Variants in AQP9 observed in about 807,000 individuals in gnomAD.
The protein encoded by AQP9 is aquaporin-9.
Under a neutral mutation model 23.8 loss-of-function variants are expected in AQP9, and 19 were observed. That is an observed-to-expected ratio of 0.80 (90% CI 0.56 to 1.17). AQP9 has a LOEUF of 1.17. Ranked by LOEUF, AQP9 falls within the 50% of genes most tolerant of loss-of-function variation. The pLI, the probability that AQP9 is intolerant of heterozygous loss-of-function variation, is 0.00. For missense variants in AQP9, 413 were observed against 362.0 expected, an observed-to-expected ratio of 1.14 and a Z score of -1.14; for synonymous variants, 153 against 131.5, an observed-to-expected ratio of 1.16 and a Z score of -1.12.
intron 1 of AQP9, chr15:58,164,147 A>G (rs1302797571): frequency 6.6e-6 from 1 of 152,246 alleles, no homozygotes; most frequent in African/African-American, 2.4e-5. Context: ...TTCAGCATCT[A>G]GAGTGGAAGA....
At chr15:58,175,142 C>A in intron 4 of AQP9, 106 bp downstream of exon 4, 1 of 1,104,000 alleles carries the variant, frequency 9.1e-7, no homozygotes, top group Non-Finnish European at 1.3e-6. Context: ...GATTATATTT[C>A]CAAAGGCAGA....
intron 2 of AQP9, among the ~76,000 whole-genome samples, chr15:58,170,565 C>G (rs1424843223): frequency 6.6e-6 from 1 of 151,956 alleles, no homozygotes; most frequent in African/African-American, 2.4e-5. Flanking sequence ...CCACTATGCC[C>G]AGCAAATTTT....
intron 5 of AQP9, among the ~76,000 whole-genome samples, chr15:58,179,672 GA>G (rs752503505): frequency 6.6e-6 from 1 of 152,148 alleles, no homozygotes; most frequent in Non-Finnish European, 1.5e-5. Context: ...CTTGTCTGCA[GA>G]TTCATTTTGT....
chr15:58,149,476 C>T (rs1898108918), intron 1 of AQP9, among the ~76,000 whole-genome samples: 1 of 152,168 alleles, frequency 6.6e-6, no homozygotes, highest in South Asian at 2.1e-4. Context: ...CTTCTCTAAG[C>T]TTTGGTTTCC....
intron 4 of AQP9, 87 bp downstream of exon 4, chr15:58,175,123 G>A (rs1463373806): frequency 2.5e-6 from 3 of 1,193,984 alleles, no homozygotes; most frequent in South Asian, 2.6e-5. Context: ...AGACCAATCA[G>A]AAAGGAGAGA....
chr15:58,181,671 T>C (rs1397942308), intron 5 of AQP9, among the ~76,000 whole-genome samples: 1 of 152,182 alleles, frequency 6.6e-6, no homozygotes, highest in African/African-American at 2.4e-5. Flanking sequence ...AATTTTGGCT[T>C]TTCTTCTGCT....
intron 1 of AQP9, among the ~76,000 whole-genome samples, chr15:58,140,112 T>C (rs1897926781): frequency 6.6e-6 from 1 of 151,944 alleles, no homozygotes. Context: ...AGCCTCACAG[T>C]GACGAGTGAG....
chr15:58,162,782 T>G (rs1415657145), intron 1 of AQP9, among the ~76,000 whole-genome samples: 1 of 152,104 alleles, frequency 6.6e-6, no homozygotes, highest in Non-Finnish European at 1.5e-5. Context: ...ACATCAACCG[T>G]GAGATGCATG....
chr15:58,173,006 A>T, intron 2 of AQP9, 62 bp from the exon 3 acceptor site: 1 of 1,600,354 alleles, frequency 6.2e-7, no homozygotes. Flanking sequence ...AGGTCTCTAG[A>T]TGGTTTTCTG....
chr15:58,150,661 C>T (rs1448304567), intron 1 of AQP9: 2 of 152,134 alleles, frequency 1.3e-5, no homozygotes, highest in East Asian at 1.9e-4. Flanking sequence ...CCCTAGTGAC[C>T]GACACCTTAC....
rs184912234 is a variant in AQP9 at position 58,171,366 on chromosome 15, C to T, written c.239-1702C>T. On this transcript the variant is annotated intron_variant, in intron 2 of 5. Transcript: ENST00000219919. ...CCTCCCAAAGTGCTGGGATTACAGG[C>T]ATGAGCCACTGCACCTGGCCCCGCA... Among the ~76,000 whole-genome samples, 837 of 152,268 alleles carry T rather than the reference C, an allele frequency of 5.5e-3. 11 individuals carry two copies. The highest frequency in any genetic ancestry group is 0.019 in the African/African-American group (781 of 41,548).
intron 5 of AQP9, among the ~76,000 whole-genome samples, chr15:58,182,507 T>C (rs1325116220): frequency 1.3e-5 from 2 of 152,164 alleles, no homozygotes; most frequent in Admixed American, 1.3e-4. Context: ...ATCTGCTAAA[T>C]GACAGGAAGA....
chr15:58,178,308 A>G (rs768100871), intron 4 of AQP9, among the ~76,000 whole-genome samples: 2 of 152,192 alleles, frequency 1.3e-5, no homozygotes, highest in African/African-American at 2.4e-5. Context: ...ATATTACTAC[A>G]TAGCTTTTAT....
At chr15:58,160,418 A>G (rs1468114181) in intron 1 of AQP9, among the ~76,000 whole-genome samples, 2 of 152,178 alleles carry the variant, frequency 1.3e-5, no homozygotes, top group Admixed American at 1.3e-4. Flanking sequence ...CCCTTATCAG[A>G]TGGATAGGCC....
intron 2 of AQP9, among the ~76,000 whole-genome samples, chr15:58,171,068 G>A (rs61113628): frequency 0.22 from 33,581 of 150,630 alleles, 4,340 homozygotes; most frequent in African/African-American, 0.36. Flanking sequence ...AGGATCACAG[G>A]TGCGAGCCAC....
At chr15:58,165,643 C>G (rs1477048140) in intron 1 of AQP9, among the ~76,000 whole-genome samples, 1 of 152,048 alleles carries the variant, frequency 6.6e-6, no homozygotes, top group Non-Finnish European at 1.5e-5. Flanking sequence ...ATACATGGAT[C>G]TCCTTTATTC....
intron 1 of AQP9, among the ~76,000 whole-genome samples, chr15:58,163,000 T>C (rs1166836722): frequency 6.6e-6 from 1 of 152,220 alleles, no homozygotes; most frequent in Admixed American, 6.5e-5. Context: ...TGTGTGATAT[T>C]CAGAGTTACC....
chr15:58,161,913 C>A (rs1898392118), intron 1 of AQP9, among the ~76,000 whole-genome samples: 1 of 152,012 alleles, frequency 6.6e-6, no homozygotes, highest in South Asian at 2.1e-4. Context: ...CAAGTGTCAT[C>A]CCTGGAAATA....
intron 1 of AQP9, among the ~76,000 whole-genome samples, chr15:58,145,013 C>CA (rs66782655): frequency 0.04 from 1,972 of 49,808 alleles, 44 homozygotes; most frequent in Non-Finnish European, 0.042. Flanking sequence ...GACTCCATCT[C>CA]AAAAAAAAAA....
Sources: allele counts gnomAD v4.1 joint callset (sites outside exome capture counted in the v4.1 genomes callset), GRCh38; gene constraint gnomAD v4.1.1; transcripts MANE v1.5; gene names NCBI Gene and HGNC (gene_info 2026-07-23, HGNC 2026-07-21).